The following TENM2 variants were observed in gnomAD, a reference collection of about 807,000 sequenced individuals.
The protein encoded by TENM2 is teneurin transmembrane protein 2.
TENM2 carries 52 observed loss-of-function variants against 245.2 expected under a neutral mutation model. The ratio of observed to expected loss-of-function variants is 0.21; its 90% CI spans 0.17 to 0.27. The LOEUF (loss-of-function observed/expected upper bound fraction) is 0.27. TENM2 is among the 10% of genes least tolerant of loss of function. TENM2 has a pLI of 1.00. For missense variants in TENM2, 3,046 were observed against 3,666.8 expected (o/e 0.83, Z 4.37); for synonymous variants, 1,363 against 1,438.9 (o/e 0.95, Z 1.19).
At chr5:167,996,618 T>C (rs996232754) in intron 5 of TENM2, among the ~76,000 whole-genome samples, 3 of 152,156 alleles carry the variant, frequency 2.0e-5, no homozygotes, top group Non-Finnish European at 4.4e-5. Context: ...CCTCACCTAT[T>C]TTAGACAAGA....
At chr5:167,777,010 A>T (rs1471567969) in intron 2 of TENM2, among the ~76,000 whole-genome samples, 2 of 152,266 alleles carry the variant, frequency 1.3e-5, no homozygotes, top group Admixed American at 1.3e-4. Flanking sequence ...TGCTATATTT[A>T]ACTGAATTGT....
the TENM2 span, among the ~76,000 whole-genome samples, chr5:167,124,059 G>T: frequency 6.6e-6 from 1 of 152,190 alleles, no homozygotes; most frequent in Non-Finnish European, 1.5e-5. Flanking sequence ...TCTATATGGA[G>T]AATATTTCCA....
At chr5:167,536,144 C>T (rs1461362908) in intron 2 of TENM2, among the ~76,000 whole-genome samples, 3 of 152,172 alleles carry the variant, frequency 2.0e-5, no homozygotes, top group African/African-American at 7.2e-5. Context: ...TGAGTCTCTT[C>T]ACCTGTAAAT....
chr5:168,218,628 C>T lies in TENM2; in HGVS notation c.4737C>T (p.Ala1579=). The stretch of plus-strand genomic sequence containing the variant: ...GCAAGAACAAGCCTGTTCTTAATGC[C>T]TTCAACCAGTATGAGGCTGCATCCC... The change falls in exon 23 of 29, where the codon GCC becomes GCT. Residue 1579 remains alanine (A), a synonymous_variant. Coordinates refer to ENST00000518659, the Ensembl canonical transcript of TENM2. This position sits in a 1 kb window ranked among gnomAD's most constrained non-coding sequence, Gnocchi z 5.2. 1.2e-6 allele frequency: 2 copies of T among 1,613,988 alleles called. No individual in the cohort carries two copies. Among genetic ancestry groups the T allele is most frequent in the Non-Finnish European group, 1.7e-6 (2 of 1,179,894 alleles).
the TENM2 span, among the ~76,000 whole-genome samples, chr5:167,007,686 C>G: frequency 6.6e-6 from 1 of 152,272 alleles, no homozygotes; most frequent in South Asian, 2.1e-4. The surrounding 1 kb of genome is among the most constrained non-coding windows in gnomAD (Gnocchi z 4.2). Flanking sequence ...CTAACAGGCC[C>G]CCCACTACCA....
the TENM2 span, among the ~76,000 whole-genome samples, chr5:167,052,047 T>G: frequency 6.6e-6 from 1 of 152,212 alleles, no homozygotes; most frequent in Non-Finnish European, 1.5e-5. Flanking sequence ...TATAAGCAAC[T>G]GACAGGTAAA....
intron 9 of TENM2, among the ~76,000 whole-genome samples, chr5:168,101,651 C>T (rs181719077): frequency 5.0e-4 from 76 of 152,320 alleles, no homozygotes; most frequent in South Asian, 1.5e-3. Flanking sequence ...GTTATTCCTC[C>T]ATACTCAGTC....
intron 19 of TENM2, among the ~76,000 whole-genome samples, chr5:168,207,980 A>G (rs1182953038): frequency 2.0e-5 from 3 of 152,232 alleles, no homozygotes; most frequent in African/African-American, 4.8e-5. Context: ...CCTGTCCCAT[A>G]GAAGCCTGAT....
At chr5:167,287,698 C>T (rs937260973) in intron 1 of TENM2, 2 of 152,150 alleles carry the variant, frequency 1.3e-5, no homozygotes, top group Admixed American at 6.5e-5. Flanking sequence ...TACGGAAGCT[C>T]GGTCAAATTG....
intron 2 of TENM2, among the ~76,000 whole-genome samples, chr5:167,548,777 C>G (rs1442358417): frequency 6.6e-6 from 1 of 152,156 alleles, no homozygotes; most frequent in Non-Finnish European, 1.5e-5. Flanking sequence ...CACACATGCA[C>G]AGACACACAG....
intron 4 of TENM2, among the ~76,000 whole-genome samples, 179 bp downstream of exon 6, chr5:167,953,001 G>C (rs1309399549): frequency 2.0e-5 from 3 of 152,138 alleles, no homozygotes; most frequent in African/African-American, 7.2e-5. Context: ...TAGGTTGACA[G>C]GTATTTCTTC....
intron 21 of TENM2, 81 bp from the exon 24 acceptor site, chr5:168,216,687 G>T: frequency 7.2e-7 from 1 of 1,384,094 alleles, no homozygotes; most frequent in South Asian, 1.2e-5. Context: ...AGAGTGCTCA[G>T]CAAGGCATCT....
the TENM2 span, among the ~76,000 whole-genome samples, chr5:167,011,102 T>C: frequency 6.6e-5 from 10 of 152,216 alleles, no homozygotes; most frequent in Admixed American, 3.3e-4. Context: ...TATTGACATA[T>C]AAATTATTTG....
intron 5 of TENM2, among the ~76,000 whole-genome samples, chr5:168,037,811 C>G (rs1378082680): frequency 6.6e-6 from 1 of 152,124 alleles, no homozygotes; most frequent in Non-Finnish European, 1.5e-5. Context: ...TGTCATGACC[C>G]TAGGCAAGTC....
chr5:167,233,565 A>G, the TENM2 span, among the ~76,000 whole-genome samples: 14 of 152,166 alleles, frequency 9.2e-5, no homozygotes, highest in Admixed American at 1.3e-4. Context: ...CTAAAAGCAA[A>G]TCTACTTTAT....
chr5:168,154,593 C>T (rs896426298), intron 12 of TENM2, among the ~76,000 whole-genome samples: 1 of 152,188 alleles, frequency 6.6e-6, no homozygotes, highest in Non-Finnish European at 1.5e-5. Flanking sequence ...CATTTTTCTG[C>T]AGCCAAGGCT....
rs115439581 is a variant in TENM2 at position 168,094,027 on chromosome 5, A to G, written c.1711+3258A>G. Among the ~76,000 whole-genome samples, 514 of 152,178 alleles carry G rather than the reference A, an allele frequency of 3.4e-3. 3 individuals are homozygous for G. The highest frequency in any genetic ancestry group is 0.012 in the African/African-American group (494 of 41,510). ...TACACATAGACATACACATACACAC[A>G]GGCACACACACACATAAGCACACTT... On this transcript the variant is annotated intron_variant, in intron 8 of 28. Coordinates refer to ENST00000518659, the Ensembl canonical transcript of TENM2.
At chr5:168,215,911 A>C (rs1281214242) in intron 21 of TENM2, among the ~76,000 whole-genome samples, 1 of 152,200 alleles carries the variant, frequency 6.6e-6, no homozygotes, top group East Asian at 1.9e-4. Flanking sequence ...AATGTGTATG[A>C]AGTCGAAAGT....
At chr5:167,906,705 A>G (rs1379168889) in intron 3 of TENM2, among the ~76,000 whole-genome samples, 1 of 152,092 alleles carries the variant, frequency 6.6e-6, no homozygotes, top group Non-Finnish European at 1.5e-5. Context: ...TTTTTTATGT[A>G]AAGTTGTGCA....
Sources: allele counts gnomAD v4.1 joint callset (sites outside exome capture counted in the v4.1 genomes callset), GRCh38; gene constraint gnomAD v4.1.1; non-coding constraint Gnocchi (gnomAD v3.1); transcripts MANE v1.5; gene names NCBI Gene and HGNC (gene_info 2026-07-23, HGNC 2026-07-21).